ZNF551: variants seen among roughly 807,000 people sequenced by gnomAD.
The protein encoded by ZNF551 is zinc finger protein 551, also known as KOX 23 protein (56 AA).
A neutral mutation model predicts 7.9 loss-of-function variants in ZNF551; 5 were observed. The observed-to-expected ratio is 0.63, with a 90% CI of 0.33 to 1.33. The LOEUF is 1.33. Ranked by LOEUF, ZNF551 falls within the 40% of genes most tolerant of loss-of-function variation. The pLI, the probability that ZNF551 is intolerant of heterozygous loss-of-function variation, is 0.05. For missense variants in ZNF551, 788 were observed against 825.2 expected, an observed-to-expected ratio of 0.95 and a Z score of 0.55; for synonymous variants, 287 against 277.3, an observed-to-expected ratio of 1.03 and a Z score of -0.35.
rs1353554686 is a variant in ZNF551, at chr19:57,688,541, C to A, written c.*253C>A. On this transcript the variant is annotated 3_prime_UTR_variant, in exon 3 of 3. Transcript: ENST00000282296. Reference sequence around the variant, plus strand: ...ACCCCTACCACCTGGCAGGTGCACACCATGTGCATGAGTCACTTCCCCACA... The same window carrying A: ...ACCCCTACCACCTGGCAGGTGCACAACATGTGCATGAGTCACTTCCCCACA... The A allele has an allele frequency of 1.9e-6, 1 of 536,976 alleles. No homozygotes were observed. Among genetic ancestry groups the A allele is most frequent in the Non-Finnish European group, 3.3e-6 (1 of 302,432 alleles). The allele number at this position is 536,976 out of a possible 1,614,324, so 33.3% of individuals were successfully genotyped here.
chr19:57,685,406 C>T (rs755103515), intron 2 of ZNF551, 21 bp downstream of exon 2: 22 of 1,613,782 alleles, frequency 1.4e-5, no homozygotes, highest in Admixed American at 1.0e-4. Context: ...AGCATCCCTC[C>T]GAGTGTCTGC....
intron 1 of ZNF551, among the ~76,000 whole-genome samples, chr19:57,684,935 C>T (rs1444119101): frequency 2.0e-5 from 3 of 152,150 alleles, no homozygotes; most frequent in South Asian, 4.1e-4. Context: ...GGGGACTTCA[C>T]GGGTATTGCC....
chr19:57,685,813 T>C lies in ZNF551; in HGVS notation c.205+428T>C, dbSNP rs376427149. Among the ~76,000 whole-genome samples, 3 of 152,194 alleles carry C rather than the reference T, an allele frequency of 2.0e-5. No homozygotes were observed. The South Asian group carries it at 6.2e-4, about 31-fold the overall frequency. ...AAGCAAGATGGTCTCAGAGGAGGCC[T>C]GGCCCCAGTGAGTGGCAGCTGGGGA... On this transcript the variant is annotated intron_variant, in intron 2 of 2. Coordinates refer to ENST00000282296, the MANE Select transcript of ZNF551 (RefSeq NM_138347.5).
chr19:57,682,122 G>A lies in ZNF551; in HGVS notation c.-42G>A. On this transcript the variant is annotated 5_prime_UTR_variant, in exon 1 of 3. Transcript: ENST00000282296. ...CCAGAGGTTCTGCGACACCACCTCG[G>A]GTGAGCTGCGCCAGGCCCGGGATAG... The A allele has an allele frequency of 6.5e-7, 1 of 1,532,352 alleles. No individual in the cohort carries two copies. 94.9% of individuals were successfully genotyped at this position (1,532,352 alleles called of 1,614,324 possible). A position where few individuals can be genotyped will look rare whatever the true frequency, so the allele number is the denominator to read the frequency against.
chr19:57,682,965 A>G (rs1984437682), intron 1 of ZNF551, among the ~76,000 whole-genome samples: 1 of 152,244 alleles, frequency 6.6e-6, no homozygotes, highest in Admixed American at 6.5e-5. Context: ...AGAGGAGGCT[A>G]AGATAGTTCA....
chr19:57,685,435 A>G (rs554307037), intron 2 of ZNF551, 50 bp downstream of exon 2: 1 of 1,613,306 alleles, frequency 6.2e-7, no homozygotes, highest in Non-Finnish European at 8.5e-7. Flanking sequence ...TTGACCCCAG[A>G]GTTACCTCTG....
chr19:57,682,354 A>G, intron 1 of ZNF551, 110 bp downstream of exon 1: 1 of 1,201,100 alleles, frequency 8.3e-7, no homozygotes, highest in Non-Finnish European at 1.1e-6. Flanking sequence ...TACCCTGGAC[A>G]AGAAGGCGCT....
rs1206843612 is a variant in ZNF551 at position 57,687,756 on chromosome 19, A to G, written c.1481A>G (p.Gln494Arg). ...FSRKFILIQHQRVHTGERPYE... is the reference protein window; with the variant it reads ...FSRKFILIQHRRVHTGERPYE... ...CGCAAATTTATCCTGATTCAACACC[A>G]AAGAGTTCACACTGGAGAAAGACCT... Residue 494 changes from glutamine to arginine, a missense_variant, in exon 3 of 3, where the codon CAA (glutamine) becomes CGA (arginine). Gln to Arg is a conservative substitution (Grantham distance 43, BLOSUM62 1). Transcript: ENST00000282296. The G allele has an allele frequency of 1.9e-6, 3 of 1,613,914 alleles. No individual in the cohort carries two copies. Among genetic ancestry groups the G allele is most frequent in the Non-Finnish European group, 8.5e-7 (1 of 1,179,964 alleles).
rs1246017108 is a variant in ZNF551 at position 57,690,404 on chromosome 19, T to C, written c.*2116T>C. On this transcript the variant is annotated 3_prime_UTR_variant, in exon 3 of 3. Transcript: ENST00000282296. ...ACACACACACACACACACACACACGTATACGCATATACGTATACGTATATA... is the reference window on the plus strand; with the variant it reads ...ACACACACACACACACACACACACGCATACGCATATACGTATACGTATATA... 3.3e-5 allele frequency: 5 copies of C among 149,914 alleles called. No individual in the cohort carries two copies. The highest frequency in any genetic ancestry group is 7.4e-5 in the Non-Finnish European group (5 of 67,694). The allele number at this position is 149,914 out of a possible 1,614,324, so 9.3% of individuals were successfully genotyped here.
rs1187718554 is a variant in ZNF551 at position 57,690,405 on chromosome 19, A to G, written c.*2117A>G. The G allele has an allele frequency of 6.6e-6, 1 of 151,548 alleles. No individual in the cohort carries two copies. Among genetic ancestry groups the G allele is most frequent in the Non-Finnish European group, 1.5e-5 (1 of 67,898 alleles). The allele number at this position is 151,548 out of a possible 1,614,324, so 9.4% of individuals were successfully genotyped here. On this transcript the variant is annotated 3_prime_UTR_variant, in exon 3 of 3. Transcript: ENST00000282296. ...CACACACACACACACACACACACGT[A>G]TACGCATATACGTATACGTATATAT...
chr19:57,682,178 C>T lies in ZNF551; in HGVS notation c.15C>T (p.Val5=), dbSNP rs1449075574. MPAP[V]GRRSPPSPRS... is the part of the protein sequence containing the mutation. Reference sequence around the variant, plus strand: ...GTTGTGTTCGAATGCCCGCCCCGGTCGGCCGCCGCTCCCCGCCTAGTCCAC... The same window carrying T: ...GTTGTGTTCGAATGCCCGCCCCGGTTGGCCGCCGCTCCCCGCCTAGTCCAC... The change falls in exon 1 of 3, where the codon GTC becomes GTT. Residue 5 remains valine, a synonymous_variant. Transcript: ENST00000282296. The T allele has an allele frequency of 5.2e-6, 8 of 1,549,098 alleles. No individual in the cohort carries two copies. In the Admixed American group the frequency reaches 5.9e-5, roughly 11 times the overall value.
In ZNF551 at chr19:57,686,678, A is replaced by G. The variant is rs1236331035; in HGVS notation, c.403A>G (p.Ser135Gly). 6.2e-7 allele frequency: 1 copy of G among 1,614,262 alleles called. No homozygotes were observed. ...TSPVQKSYLG[S>G]TSMRGFCFSA... The stretch of plus-strand genomic sequence containing the variant: ...CCCTGTGCAAAAGTCATACTTGGGT[A>G]GCACAAGCATGAGAGGCTTCTGCTT... The change falls in exon 3 of 3, where the codon AGC becomes GGC. Residue 135 changes from serine (S) to glycine (G), a missense_variant. Transcript: ENST00000282296.
chr19:57,685,920 G>A lies in ZNF551; in HGVS notation c.205+535G>A, dbSNP rs1984538957. Among the ~76,000 whole-genome samples, 5 of 152,292 alleles carry A rather than the reference G, an allele frequency of 3.3e-5. No homozygotes were observed. The South Asian group carries it at 1.0e-3, about 32-fold the overall frequency. On this transcript the variant is annotated intron_variant, in intron 2 of 2. Coordinates refer to ENST00000282296, the MANE Select transcript of ZNF551 (RefSeq NM_138347.5). ...CAGTATTTTGGTGCAAGTGCCACTG[G>A]CCATAACTCGTTTCTACTTCTACTT...
intron 1 of ZNF551, 97 bp from the exon 2 acceptor site, chr19:57,685,165 G>T: frequency 6.5e-7 from 1 of 1,538,678 alleles, no homozygotes; most frequent in Non-Finnish European, 8.8e-7. Flanking sequence ...TATCTCCGCT[G>T]AGGTGGGCAA....
At position 57,687,965 on chromosome 19, in the gene ZNF551, T is replaced by C. The variant is rs753901675; in HGVS notation, c.1690T>C (p.Cys564Arg). The C allele has an allele frequency of 6.2e-7, 1 of 1,614,164 alleles. No individual in the cohort carries two copies. The highest frequency in any genetic ancestry group is 1.1e-5 in the South Asian group (1 of 91,088). ...AGAAAGGCCTTATGAATGTAGTGAA[T>C]GTGGAAAGTCTTTTAGCCAAAGTGC... ...TGERPYECSE[C>R]GKSFSQSASL... The change falls in exon 3 of 3, where the codon TGT (cysteine) becomes CGT (arginine). Residue 564 changes from cysteine (C) to arginine (R), a missense_variant. Physicochemically the swap from Cys to Arg is radical, Grantham distance 180. Coordinates refer to ENST00000282296, the MANE Select transcript of ZNF551 (RefSeq NM_138347.5).
chr19:57,686,558 A>C lies in ZNF551; in HGVS notation c.283A>C (p.Asn95His). ...TATACAGGTCAGGACTTCTAAGGGC[A>C]ATACACCCACCCAGAAAACTCACCT... ...VSIQVRTSKG[N>H]TPTQKTHLSE... The change falls in exon 3 of 3, where the codon AAT becomes CAT. Residue 95 changes from asparagine to histidine, a missense_variant. Transcript: ENST00000282296. 1 of 1,614,214 alleles carries C rather than the reference A, an allele frequency of 6.2e-7. No individual in the cohort carries two copies. The highest frequency in any genetic ancestry group is 1.1e-5 in the South Asian group (1 of 91,084).
At chr19:57,682,384 T>G in intron 1 of ZNF551, 140 bp downstream of exon 1, 2 of 847,776 alleles carry the variant, frequency 2.4e-6, no homozygotes, top group Non-Finnish European at 3.5e-6. Context: ...GACCCGTTTG[T>G]GACGCCCAGT....
Position 57,687,819 on chromosome 19 carries a change from A to C in ZNF551, c.1544A>C (p.Lys515Thr). 1 of 1,613,708 alleles carries C rather than the reference A, an allele frequency of 6.2e-7. No individual in the cohort carries two copies. Among genetic ancestry groups the C allele is most frequent in the Non-Finnish European group, 8.5e-7 (1 of 1,179,916 alleles). Residue 515 changes from lysine to threonine, a missense_variant, in exon 3 of 3, where the codon AAA becomes ACA. Lys to Thr is a moderately conservative substitution (Grantham distance 78). Coordinates refer to ENST00000282296, the MANE Select transcript of ZNF551 (RefSeq NM_138347.5). The part of the protein sequence containing the change: ...CSECGKSFTR[K>T]SDLIQHRRIH... ...GAATGTGGAAAATCCTTTACCCGCA[A>C]ATCTGACCTCATTCAACACCGGAGA...
chr19:57,688,281 G>T lies in ZNF551; in HGVS notation c.2006G>T (p.Arg669Met), dbSNP rs1600022390. Residue 669 changes from arginine to methionine, a missense_variant, in exon 3 of 3, where the codon AGG (arginine) becomes ATG (methionine). Arg to Met is a moderately conservative substitution (Grantham distance 91). Transcript: ENST00000282296. ...IRHRRVHTEE[R>M]P Reference sequence around the variant, plus strand: ...CATCGGAGAGTTCACACTGAAGAAAGGCCTTAAATGTGAAGGGAATGTGCT... The same window carrying T: ...CATCGGAGAGTTCACACTGAAGAAATGCCTTAAATGTGAAGGGAATGTGCT... 3 of 1,613,056 alleles carry T rather than the reference G, an allele frequency of 1.9e-6. No individual in the cohort carries two copies. The East Asian group carries it at 6.7e-5, about 36-fold the overall frequency.
Sources: gnomAD v4.1 joint callset for allele counts (sites outside exome capture counted in the v4.1 genomes callset) on GRCh38, gnomAD v4.1.1 for gene constraint, MANE v1.5 for transcripts, NCBI Gene and HGNC (gene_info 2026-07-23, HGNC 2026-07-21) for gene names.